AHRR: variants seen among roughly 807,000 people sequenced by gnomAD.
AHRR encodes the protein ahR repressor.
AHRR carries 28 observed loss-of-function variants against 44.0 expected under a neutral mutation model. The ratio of observed to expected loss-of-function variants is 0.64; its 90% CI spans 0.47 to 0.87. The LOEUF (loss-of-function observed/expected upper bound fraction) is 0.87, where lower values mean the gene tolerates loss of function less well. Among genes scored for constraint, AHRR ranks in the 40% least tolerant of loss-of-function variants. The pLI, the probability that AHRR is intolerant of heterozygous loss-of-function variation, is 0.00. For missense variants in AHRR, 990 were observed against 953.9 expected (o/e 1.04, Z -0.50); for synonymous variants, 434 against 407.0 (o/e 1.07, Z -0.80).
At chr5:343,285 GGGGTGA>G (rs1560883004) in intron 1 of AHRR, among the ~76,000 whole-genome samples, 3 of 136,698 alleles carry the variant, frequency 2.2e-5, no homozygotes, top group African/African-American at 5.1e-5. Context: ...ATACCTTTTC[GGGGTGA>G]CGTGAACACA....
At chr5:401,006 C>T (rs1734993014) in intron 4 of AHRR, among the ~76,000 whole-genome samples, 1 of 152,228 alleles carries the variant, frequency 6.6e-6, no homozygotes, top group African/African-American at 2.4e-5. Flanking sequence ...GCACACCCCT[C>T]CAGCCCGTGT....
At chr5:403,627 G>C in intron 4 of AHRR, 1 of 475,584 alleles carries the variant, frequency 2.1e-6, no homozygotes, top group Admixed American at 3.8e-5. Flanking sequence ...GACAGAATGA[G>C]ACTCCGTTTC....
chr5:401,127 C>G (rs1231175948), intron 4 of AHRR, among the ~76,000 whole-genome samples: 2 of 152,264 alleles, frequency 1.3e-5, no homozygotes, highest in African/African-American at 4.8e-5. Context: ...TGGCCCCCGG[C>G]TGCTTCACGT....
At chr5:371,350 C>G (rs929910599) in intron 3 of AHRR, among the ~76,000 whole-genome samples, 4 of 152,234 alleles carry the variant, frequency 2.6e-5, no homozygotes, top group African/African-American at 9.6e-5. Flanking sequence ...GGTCAGCACA[C>G]TAGGCCTGTG....
intron 3 of AHRR, among the ~76,000 whole-genome samples, chr5:376,299 G>A (rs1733632970): frequency 1.3e-5 from 2 of 152,166 alleles, no homozygotes; most frequent in Non-Finnish European, 2.9e-5. Context: ...GGGCAGGAGG[G>A]GACAGAGAGC....
chr5:423,470 TTC>T (rs1386241237), intron 6 of AHRR, among the ~76,000 whole-genome samples: 2 of 152,038 alleles, frequency 1.3e-5, no homozygotes, highest in Non-Finnish European at 2.9e-5. Flanking sequence ...GGCTCCTGGG[TTC>T]TCTCGCACGT....
chr5:407,137 T>G (rs1560911890), intron 4 of AHRR, among the ~76,000 whole-genome samples: 1 of 152,240 alleles, frequency 6.6e-6, no homozygotes, highest in African/African-American at 2.4e-5. Flanking sequence ...CTTTTTTCTT[T>G]CCTGTGCTTT....
At chr5:362,995 A>C (rs114007975) in intron 3 of AHRR, among the ~76,000 whole-genome samples, 9,895 of 152,340 alleles carry the variant, frequency 0.065, 523 homozygotes, top group Non-Finnish European at 0.087. Context: ...TAGGTAATTC[A>C]GTGTCTTCCA....
Position 431,274 on chromosome 5 carries a change from C to A in AHRR, c.909-1189C>A, listed in dbSNP as rs114473089. ...GCTCCTCCTGCGGCCTGGACGAGAC[C>A]CCCTGTGGGGCTGTGAGGGTGGGGT... On this transcript the variant is annotated intron_variant, in intron 8 of 10. Coordinates refer to ENST00000684583, the MANE Select transcript of AHRR (RefSeq NM_001377236.1). Among the ~76,000 whole-genome samples, 1,069 of 152,338 alleles carry A rather than the reference C, an allele frequency of 7.0e-3. 8 individuals carry two copies. Among genetic ancestry groups the A allele is most frequent in the Non-Finnish European group, 0.01 (693 of 68,030 alleles).
intron 4 of AHRR, among the ~76,000 whole-genome samples, chr5:390,569 G>A (rs1734371555): frequency 1.3e-5 from 2 of 152,194 alleles, no homozygotes; most frequent in Non-Finnish European, 2.9e-5. Flanking sequence ...AGGAAAAAGA[G>A]GTGGAAATAA....
rs1301230259 is a variant in AHRR, at chr5:372,390, G to A, written c.245-4220G>A. On this transcript the variant is annotated intron_variant, in intron 3 of 10. Coordinates refer to ENST00000684583, the MANE Select transcript of AHRR (RefSeq NM_001377236.1). ...GTGCACCCTGGGATGGGTCACAGGA[G>A]GCCTGAGAACCAGGTCCAGGCTGCG... Among the ~76,000 whole-genome samples the A allele has an allele frequency of 3.9e-5, 6 of 152,362 alleles. No individual in the cohort carries two copies. In the East Asian group the frequency reaches 1.2e-3, roughly 29 times the overall value.
intron 4 of AHRR, among the ~76,000 whole-genome samples, chr5:402,291 G>A (rs1485065201): frequency 6.6e-6 from 1 of 152,096 alleles, no homozygotes; most frequent in Non-Finnish European, 1.5e-5. Flanking sequence ...ATGGAAGGCA[G>A]TCGTTGATGA....
rs184990913 is a variant in AHRR at position 337,297 on chromosome 5, C to G, written c.-10-6596C>G. On this transcript the variant is annotated intron_variant, in intron 1 of 10. Coordinates refer to ENST00000684583, the MANE Select transcript of AHRR (RefSeq NM_001377236.1). The surrounding 1 kb of genome is among the most constrained non-coding windows in gnomAD (Gnocchi z 4.1). The stretch of plus-strand genomic sequence containing the variant: ...TATAGAGAAGCAAATCCCTAACATG[C>G]CATTTATTTCATATGTGTTTTAATG... 1.7e-3 allele frequency among the ~76,000 whole-genome samples: 257 copies of G among 152,234 alleles called. 2 individuals carry two copies. Among genetic ancestry groups the G allele is most frequent in the African/African-American group, 5.8e-3 (241 of 41,536 alleles).
At chr5:420,418 G>A (rs1191713849) in intron 5 of AHRR, among the ~76,000 whole-genome samples, 2 of 151,874 alleles carry the variant, frequency 1.3e-5, no homozygotes, top group Non-Finnish European at 2.9e-5. Context: ...AAGGAGGAGT[G>A]ACCCCCCACT....
At chr5:389,057 C>T (rs1579652552) in intron 4 of AHRR, among the ~76,000 whole-genome samples, 1 of 152,222 alleles carries the variant, frequency 6.6e-6, no homozygotes, top group African/African-American at 2.4e-5. Context: ...GCCACATGGT[C>T]ACAGTCTGGG....
intron 3 of AHRR, among the ~76,000 whole-genome samples, chr5:374,752 C>T (rs996580119): frequency 2.6e-5 from 4 of 152,238 alleles, no homozygotes; most frequent in African/African-American, 9.7e-5. Context: ...TCGCCCCCCA[C>T]GGACACCTTA....
In AHRR at chr5:435,028, A is replaced by G. The variant is rs1486830798; in HGVS notation, c.*194A>G. On this transcript the variant is annotated 3_prime_UTR_variant, in exon 11 of 11. Coordinates refer to ENST00000684583, the MANE Select transcript of AHRR (RefSeq NM_001377236.1). ...CCTGAATTTTGTAAAATATCCCAACAGTTCTTAAATGAAAACTGGCCTTAA... is the reference window on the plus strand; with the variant it reads ...CCTGAATTTTGTAAAATATCCCAACGGTTCTTAAATGAAAACTGGCCTTAA... 1 of 741,768 alleles carries G rather than the reference A, an allele frequency of 1.3e-6. No individual in the cohort carries two copies. The highest frequency in any genetic ancestry group is 2.1e-6 in the Non-Finnish European group (1 of 477,110). 45.9% of individuals were successfully genotyped at this position (741,768 alleles called of 1,614,324 possible).
At chr5:373,958 G>A (rs1439864170) in intron 3 of AHRR, among the ~76,000 whole-genome samples, 1 of 151,514 alleles carries the variant, frequency 6.6e-6, no homozygotes, top group Non-Finnish European at 1.5e-5. Context: ...CCCGCGGGGG[G>A]CACGCGATGC....
chr5:344,058 C>T lies in AHRR; in HGVS notation c.62+94C>T, dbSNP rs1422559707. 3.7e-6 allele frequency: 5 copies of T among 1,364,668 alleles called. No homozygotes were observed. In the South Asian group the frequency reaches 3.9e-5, roughly 11 times the overall value. The allele number at this position is 1,364,668 out of a possible 1,614,324, so 84.5% of individuals were successfully genotyped here. On this transcript the variant is annotated intron_variant, in intron 2 of 10. Transcript: ENST00000684583. ...TGAAAACGGAGTTTTAGGAACAGGG[C>T]GAGCGAGGAAGGCTTCGGGAGCCGG...
Sources: gnomAD v4.1 joint callset for allele counts (sites outside exome capture counted in the v4.1 genomes callset) on GRCh38, gnomAD v4.1.1 for gene constraint, Gnocchi (gnomAD v3.1) non-coding constraint, MANE v1.5 for transcripts, NCBI Gene and HGNC (gene_info 2026-07-23, HGNC 2026-07-21) for gene names.